The following DMXL1 variants were observed in gnomAD, a reference collection of about 807,000 sequenced individuals.
DMXL1 encodes the protein dmX-like protein 1.
A neutral mutation model predicts 319.2 loss-of-function variants in DMXL1; 99 were observed. That is an observed-to-expected ratio of 0.31 (90% CI 0.26 to 0.37). The LOEUF (loss-of-function observed/expected upper bound fraction) is 0.37, where lower values mean the gene tolerates loss of function less well. Ranked by LOEUF, DMXL1 falls within the 10% of genes least tolerant of loss-of-function variation. The pLI, the probability that DMXL1 is intolerant of heterozygous loss-of-function variation, is 1.00. For missense variants in DMXL1, 3,745 were observed against 3,595.6 expected (o/e 1.04, Z -1.06); for synonymous variants, 1,385 against 1,235.2 (o/e 1.12, Z -2.54).
chr5:119,140,168 CAGAA>C (rs1197330188), intron 13 of DMXL1, among the ~76,000 whole-genome samples: 2 of 152,016 alleles, frequency 1.3e-5, no homozygotes, highest in Non-Finnish European at 2.9e-5. Flanking sequence ...ATCAAAAAGT[CAGAA>C]AGATCTCAAA....
rs1287963852 is a variant in DMXL1, at chr5:119,098,104, G to A, written c.213G>A (p.Lys71=). 1.9e-6 allele frequency: 3 copies of A among 1,595,736 alleles called. No individual in the cohort carries two copies. The highest frequency in any genetic ancestry group is 2.6e-6 in the Non-Finnish European group (3 of 1,175,002). Residue 71 remains lysine, a splice_region_variant and synonymous_variant, in exon 2 of 44, where the codon AAG becomes AAA. Coordinates refer to ENST00000539542, the MANE Select transcript of DMXL1 (RefSeq NM_001290321.3). ...TAGACTGTTCAATGCAACAAGGCAA[G>A]GTTTGTAATCTTCTTCTAATATACA... ...GCVDCSMQQG[K]IAASYGNVIS... is the part of the protein sequence containing the mutation.
At chr5:119,219,022 A>C (rs763788814) in intron 35 of DMXL1, among the ~76,000 whole-genome samples, 1 of 152,168 alleles carries the variant, frequency 6.6e-6, no homozygotes, top group Non-Finnish European at 1.5e-5. Flanking sequence ...GATCCATTAA[A>C]CATTTTAGTG....
chr5:119,124,542 C>T (rs1763057433), intron 9 of DMXL1, among the ~76,000 whole-genome samples: 1 of 148,094 alleles, frequency 6.8e-6, no homozygotes, highest in Non-Finnish European at 1.5e-5. Flanking sequence ...GTTACTAGTT[C>T]CTTTGACATT....
intron 1 of DMXL1, among the ~76,000 whole-genome samples, chr5:119,092,046 C>T (rs1580648192): frequency 6.6e-6 from 1 of 152,098 alleles, no homozygotes; most frequent in Non-Finnish European, 1.5e-5. Flanking sequence ...TCCCTTTTTC[C>T]AGTGTAGAAA....
chr5:119,192,401 C>A (rs1030966731), intron 29 of DMXL1, among the ~76,000 whole-genome samples: 3 of 152,170 alleles, frequency 2.0e-5, no homozygotes, highest in Non-Finnish European at 4.4e-5. Context: ...ATCTCCCATT[C>A]CAAACCCCTG....
chr5:119,129,806 G>A (rs1764413567), intron 10 of DMXL1, among the ~76,000 whole-genome samples: 1 of 152,222 alleles, frequency 6.6e-6, no homozygotes, highest in South Asian at 2.1e-4. Context: ...GTACATTAAA[G>A]TTTGAGAAGC....
At chr5:119,109,259 T>G (rs549743399) in intron 4 of DMXL1, among the ~76,000 whole-genome samples, 2 of 152,364 alleles carry the variant, frequency 1.3e-5, no homozygotes, top group Admixed American at 6.5e-5. Context: ...AATTTCGATG[T>G]AAGTTACATA....
chr5:119,173,730 A>ATG (rs1278895038), intron 25 of DMXL1, among the ~76,000 whole-genome samples: 4 of 90,888 alleles, frequency 4.4e-5, no homozygotes, highest in African/African-American at 8.2e-5. Flanking sequence ...ATATATATAT[A>ATG]TGTGTGTATA....
Position 119,177,636 on chromosome 5 carries a change from G to A in DMXL1, c.6886+152G>A, listed in dbSNP as rs919746265. Reference sequence around the variant, plus strand: ...TATTCACCACTCATTCTGAATTACAGTTACTTAACATTAGTATTCCCTTGA... The same window carrying A: ...TATTCACCACTCATTCTGAATTACAATTACTTAACATTAGTATTCCCTTGA... On this transcript the variant is annotated intron_variant, in intron 27 of 43. Coordinates refer to ENST00000539542, the MANE Select transcript of DMXL1 (RefSeq NM_001290321.3). 1.2e-5 allele frequency: 7 copies of A among 608,608 alleles called. No homozygotes were observed. In the Admixed American group the frequency reaches 2.6e-4, roughly 22 times the overall value. 37.7% of individuals were successfully genotyped at this position (608,608 alleles called of 1,614,324 possible). A position where few individuals can be genotyped will look rare whatever the true frequency, so the allele number is the denominator to read the frequency against.
Position 119,196,354 on chromosome 5 carries a change from C to A in DMXL1, c.7458-17C>A. 1 of 1,598,888 alleles carries A rather than the reference C, an allele frequency of 6.3e-7. No individual in the cohort carries two copies. The highest frequency in any genetic ancestry group is 8.6e-7 in the Non-Finnish European group (1 of 1,166,270). Reference sequence around the variant, plus strand: ...CTATAGAAATAGTTAACAGATCCATCGTTGCTTTATTTTTAGTTGGTCCTT... The same window carrying A: ...CTATAGAAATAGTTAACAGATCCATAGTTGCTTTATTTTTAGTTGGTCCTT... On this transcript the variant is annotated splice_polypyrimidine_tract_variant and intron_variant, in intron 30 of 43. Coordinates refer to ENST00000539542, the MANE Select transcript of DMXL1 (RefSeq NM_001290321.3).
chr5:119,139,327 T>C (rs753926640), intron 13 of DMXL1, among the ~76,000 whole-genome samples: 4 of 152,180 alleles, frequency 2.6e-5, no homozygotes, highest in South Asian at 2.1e-4. Flanking sequence ...GTAAAAGGTA[T>C]AGAGTGGCAC....
At chr5:119,113,660 A>T (rs1242943225) in intron 5 of DMXL1, among the ~76,000 whole-genome samples, 1 of 152,208 alleles carries the variant, frequency 6.6e-6, no homozygotes, top group Non-Finnish European at 1.5e-5. Context: ...TATGTATTAA[A>T]ATGTTAACAT....
intron 13 of DMXL1, among the ~76,000 whole-genome samples, chr5:119,141,355 T>C (rs1767303103): frequency 6.6e-6 from 1 of 152,178 alleles, no homozygotes; most frequent in East Asian, 1.9e-4. Context: ...GATAACCCTA[T>C]GTCTTGGCCC....
chr5:119,196,534 TGGTC>T, intron 31 of DMXL1, 78 bp downstream of exon 31: 1 of 973,374 alleles, frequency 1.0e-6, no homozygotes, highest in Non-Finnish European at 1.6e-6. Flanking sequence ...TTTTTTTTTT[TGGTC>T]TGGACTGGGG....
rs776031340 is a variant in DMXL1 at position 119,247,176 on chromosome 5, C to G, written c.9104C>G (p.Pro3035Arg). 2 of 1,613,606 alleles carry G rather than the reference C, an allele frequency of 1.2e-6. No individual in the cohort carries two copies. The highest frequency in any genetic ancestry group is 2.2e-5 in the South Asian group (2 of 91,042). The part of the protein sequence containing the change: ...KMRILPDQFS[P>R]LNEVLKNDVK... ...AGAATACTGCCAGATCAGTTTAGCC[C>G]TTTAAATGAAGTGTTGAAAAATGAT... is the stretch of plus-strand genomic sequence containing the variant. The change falls in exon 44 of 44, where the codon CCT (proline) becomes CGT (arginine). Residue 3035 changes from proline to arginine, a missense_variant. Pro to Arg is a moderately radical substitution (Grantham distance 103, BLOSUM62 -2). Transcript: ENST00000539542.
chr5:119,123,978 G>T (rs1297855626), intron 9 of DMXL1, among the ~76,000 whole-genome samples: 1 of 150,942 alleles, frequency 6.6e-6, no homozygotes, highest in Non-Finnish European at 1.5e-5. Context: ...CACTGGATTA[G>T]TACATCAGTG....
Position 119,118,895 on chromosome 5 carries a change from ATTGT to A in DMXL1, c.828_831del (p.Leu277TyrfsTer15). The stretch of plus-strand genomic sequence containing the variant: ...TGGGTAGAGACATTTTTACCAAATG[ATTGT>A]TTGCTATACGGAGGTGACTGCAGCC... On this transcript the variant is annotated frameshift_variant, in exon 8 of 44. Transcript: ENST00000539542. LOFTEE classifies it high-confidence loss of function. 1 of 1,613,990 alleles carries A rather than the reference ATTGT, an allele frequency of 6.2e-7. No individual in the cohort carries two copies. The highest frequency in any genetic ancestry group is 8.5e-7 in the Non-Finnish European group (1 of 1,179,908).
chr5:119,173,672 A>ATGTGTGTGTGTGTG (rs771056976), intron 25 of DMXL1, among the ~76,000 whole-genome samples: 55 of 110,214 alleles, frequency 5.0e-4, no homozygotes, highest in African/African-American at 1.4e-3. Flanking sequence ...AGTAGGATGT[A>ATGTGTGTGTGTGTG]TGTGTGTGTG....
At chr5:119,188,094 A>G (rs1778065345) in intron 28 of DMXL1, among the ~76,000 whole-genome samples, 1 of 152,230 alleles carries the variant, frequency 6.6e-6, no homozygotes. Flanking sequence ...TCTGTCTTTA[A>G]AAACTCTCTT....
Sources: gnomAD v4.1 joint callset for allele counts (sites outside exome capture counted in the v4.1 genomes callset) on GRCh38, gnomAD v4.1.1 for gene constraint, MANE v1.5 for transcripts, NCBI Gene and HGNC (gene_info 2026-07-23, HGNC 2026-07-21) for gene names.